The following FBN1 variants were observed in gnomAD, a reference collection of about 807,000 sequenced individuals.
FBN1 encodes fibrillin-1.
FBN1 carries 29 observed loss-of-function variants against 365.1 expected under a neutral mutation model. The ratio of observed to expected loss-of-function variants is 0.08; its 90% CI spans 0.06 to 0.11. The LOEUF (loss-of-function observed/expected upper bound fraction) is 0.11. Among genes scored for constraint, FBN1 ranks in the 10% least tolerant of loss-of-function variants. The pLI, the probability that FBN1 is intolerant of heterozygous loss-of-function variation, is 1.00. For synonymous variants in FBN1, 1,210 were observed against 1,270.5 expected, an observed-to-expected ratio of 0.95 and a Z score of 1.01; for missense variants, 2,476 against 3,703.2, an observed-to-expected ratio of 0.67 and a Z score of 8.60.
chr15:48,507,511 A>G (rs976270274), intron 15 of FBN1, among the ~76,000 whole-genome samples: 1 of 152,220 alleles, frequency 6.6e-6, no homozygotes, highest in Non-Finnish European at 1.5e-5. Flanking sequence ...CACAATATTA[A>G]GAGCCATTGA....
chr15:48,463,350 T>C lies in FBN1; in HGVS notation c.5066-110A>G, dbSNP rs28730792. On this transcript the variant is annotated intron_variant, in intron 41 of 65. Transcript: ENST00000316623. The stretch of plus-strand genomic sequence containing the variant: ...AGCAAGTTTCATTTGAATTGTATTG[T>C]AGCTTGACTTTGATAAGGACACAAA... The C allele has an allele frequency of 5.3e-3, 5,785 of 1,087,334 alleles. 24 individuals are homozygous for C. Among genetic ancestry groups the C allele is most frequent in the Non-Finnish European group, 7.0e-3 (4,964 of 708,904 alleles). The allele number at this position is 1,087,334 out of a possible 1,614,324, so 67.4% of individuals were successfully genotyped here. A position where few individuals can be genotyped will look rare whatever the true frequency, so the allele number is the denominator to read the frequency against.
intron 2 of FBN1, among the ~76,000 whole-genome samples, chr15:48,635,762 C>T (rs2140772296): frequency 6.6e-6 from 1 of 152,322 alleles, no homozygotes; most frequent in Non-Finnish European, 1.5e-5. Context: ...ACAAAACATA[C>T]TGCTTCATTA....
At chr15:48,570,149 A>G (rs1368408900) in intron 6 of FBN1, among the ~76,000 whole-genome samples, 1 of 152,176 alleles carries the variant, frequency 6.6e-6, no homozygotes, top group African/African-American at 2.4e-5. Context: ...TCTTACACTC[A>G]CTGGATAAGT....
At chr15:48,501,231 A>T (rs1283716982) in intron 17 of FBN1, among the ~76,000 whole-genome samples, 2 of 152,192 alleles carry the variant, frequency 1.3e-5, no homozygotes, top group Non-Finnish European at 2.9e-5. Context: ...GAGGCCTAAT[A>T]AGAGGTGATT....
chr15:48,530,292 G>C (rs113474935), intron 8 of FBN1, among the ~76,000 whole-genome samples: 35 of 131,758 alleles, frequency 2.7e-4, no homozygotes, highest in South Asian at 9.8e-4. Context: ...TCCGCCGCCT[G>C]ATCACAACTT....
At chr15:48,628,476 T>C (rs768412997) in intron 2 of FBN1, among the ~76,000 whole-genome samples, 60 of 152,126 alleles carry the variant, frequency 3.9e-4, no homozygotes, top group Non-Finnish European at 7.4e-4. Context: ...TAAAAACACA[T>C]TGAGTGCTTC....
chr15:48,554,823 T>G (rs185415963), intron 6 of FBN1, among the ~76,000 whole-genome samples: 1 of 152,332 alleles, frequency 6.6e-6, no homozygotes, highest in East Asian at 1.9e-4. Flanking sequence ...ATTATTTACT[T>G]TCTGATCCAC....
Position 48,616,651 on chromosome 15 carries a change from C to T in FBN1, c.165-3559G>A, listed in dbSNP as rs191817731. Among the ~76,000 whole-genome samples the T allele has an allele frequency of 5.3e-5, 8 of 152,228 alleles. No homozygotes were observed. In the East Asian group the frequency reaches 7.7e-4, roughly 15 times the overall value. ...TAAATCTTTAATAAAGTTACTCTTT[C>T]GGGTCAATGAAAGTATAGCATCCAT... is the stretch of plus-strand genomic sequence containing the variant. On this transcript the variant is annotated intron_variant, in intron 2 of 65. Transcript: ENST00000316623.
At chr15:48,522,406 A>G (rs2043866608) in intron 9 of FBN1, among the ~76,000 whole-genome samples, 1 of 152,082 alleles carries the variant, frequency 6.6e-6, no homozygotes, top group Non-Finnish European at 1.5e-5. Context: ...TCCTGAAACC[A>G]TCCTCTTCTC....
chr15:48,444,545 A>G lies in FBN1; in HGVS notation c.6033T>C (p.Cys2011=), dbSNP rs769717588. 2.5e-6 allele frequency: 4 copies of G among 1,613,242 alleles called. No homozygotes were observed. Among genetic ancestry groups the G allele is most frequent in the Non-Finnish European group, 8.5e-7 (1 of 1,179,540 alleles). ...TACAACTGATAGCTTTCCTACCTTCACACTTCTCATTTTGAAGACTGTATC... is the reference window on the plus strand; with the variant it reads ...TACAACTGATAGCTTTCCTACCTTCGCACTTCTCATTTTGAAGACTGTATC... ...PPGYSLQNEK[C]EDIDECVEEP... The change falls in exon 49 of 66, where the codon TGT becomes TGC. Residue 2011 remains cysteine (C), a synonymous_variant. Transcript: ENST00000316623.
At position 48,425,847 on chromosome 15, in the gene FBN1, C is replaced by A; in HGVS notation, c.7222G>T (p.Val2408Phe). 6.2e-7 allele frequency: 1 copy of A among 1,610,342 alleles called. No individual in the cohort carries two copies. Among genetic ancestry groups the A allele is most frequent in the Non-Finnish European group, 8.5e-7 (1 of 1,176,834 alleles). Residue 2408 changes from valine to phenylalanine, a missense_variant, in exon 59 of 66, where the codon GTT (valine) becomes TTT (phenylalanine). Physicochemically the swap from Val to Phe is conservative, Grantham distance 50. Transcript: ENST00000316623. ...TNGADIDECK[V>F]IHDVCRNGEC... ...CCATTTCGGCAAACATCGTGAATAA[C>A]CTTGCATTCATCGATATCTGTAATT...
At chr15:48,604,553 TAAAC>T (rs1795575634) in intron 4 of FBN1, among the ~76,000 whole-genome samples, 1 of 151,860 alleles carries the variant, frequency 6.6e-6, no homozygotes. Flanking sequence ...AACAAACAAA[TAAAC>T]AAACAAAATC....
chr15:48,420,713 T>C lies in FBN1; in HGVS notation c.7793A>G (p.Gln2598Arg). 1 of 1,614,166 alleles carries C rather than the reference T, an allele frequency of 6.2e-7. No individual in the cohort carries two copies. The highest frequency in any genetic ancestry group is 8.5e-7 in the Non-Finnish European group (1 of 1,180,006). The change falls in exon 63 of 66, where the codon CAG becomes CGG. Residue 2598 changes from glutamine (Q) to arginine (R), a missense_variant. By Grantham distance (43) the Gln-to-Arg change is conservative. Coordinates refer to ENST00000316623, the MANE Select transcript of FBN1 (RefSeq NM_000138.5). ...AACACACTGGTTCCACTGGTAGTGC[T>C]GGAGGTAGCCCTGGGGGCAGCTGCA... ...YRCSCPQGYL[Q>R]HYQWNQCVDE...
In FBN1 at chr15:48,410,844, T is replaced by C; in HGVS notation, c.*146A>G. 1.2e-6 allele frequency: 1 copy of C among 818,328 alleles called. No individual in the cohort carries two copies. The highest frequency in any genetic ancestry group is 2.7e-5 in the Admixed American group (1 of 37,062). The allele number at this position is 818,328 out of a possible 1,614,324, so 50.7% of individuals were successfully genotyped here. A position where few individuals can be genotyped will look rare whatever the true frequency, so the allele number is the denominator to read the frequency against. On this transcript the variant is annotated 3_prime_UTR_variant, in exon 66 of 66. Transcript: ENST00000316623. ...TAGGGTAGTCACCTGTACCTTGCTT[T>C]GGTAATACAAAGAATAGTGCTTATT...
At chr15:48,431,787 T>C (rs907657260) in intron 55 of FBN1, among the ~76,000 whole-genome samples, 3 of 151,998 alleles carry the variant, frequency 2.0e-5, no homozygotes, top group African/African-American at 7.2e-5. Context: ...CCCAAGTAGG[T>C]GAGATTACAA....
intron 2 of FBN1, among the ~76,000 whole-genome samples, chr15:48,639,206 G>GAAAAA: frequency 6.6e-6 from 1 of 152,282 alleles, no homozygotes; most frequent in East Asian, 1.9e-4. Context: ...TTAACGTTAA[G>GAAAAA]TTTTGTCTTT....
chr15:48,428,400 T>C lies in FBN1; in HGVS notation c.6943A>G (p.Thr2315Ala), dbSNP rs1597518834. The change falls in exon 57 of 66, where the codon ACC (threonine) becomes GCC (alanine). Residue 2315 changes from threonine (T) to alanine (A), a missense_variant. Thr to Ala is a moderately conservative substitution (Grantham distance 58). Transcript: ENST00000316623. ...GRCLNTRGSY[T>A]CECNDGFTAS... ...GTAAACCCATCATTACACTCACAGGTGTAGCTCCCACGGGTGTTGAGGCAG... is the reference window on the plus strand; with the variant it reads ...GTAAACCCATCATTACACTCACAGGCGTAGCTCCCACGGGTGTTGAGGCAG... The C allele has an allele frequency of 1.2e-6, 2 of 1,614,062 alleles. No individual in the cohort carries two copies. The highest frequency in any genetic ancestry group is 1.7e-6 in the Non-Finnish European group (2 of 1,179,974).
At chr15:48,520,870 A>T in intron 9 of FBN1, 53 bp from the exon 10 acceptor site, 1 of 1,611,346 alleles carries the variant, frequency 6.2e-7, no homozygotes, top group Non-Finnish European at 8.5e-7. Flanking sequence ...TAATACTTGT[A>T]ACAACACTCC....
intron 38 of FBN1, among the ~76,000 whole-genome samples, chr15:48,467,433 G>A (rs890390208): frequency 3.9e-5 from 6 of 152,112 alleles, no homozygotes; most frequent in South Asian, 2.1e-4. Flanking sequence ...TTGGAAAAAC[G>A]AAAACCCTTT....
Sources: allele counts gnomAD v4.1 joint callset (sites outside exome capture counted in the v4.1 genomes callset), GRCh38; gene constraint gnomAD v4.1.1; transcripts MANE v1.5; gene names NCBI Gene and HGNC (gene_info 2026-07-23, HGNC 2026-07-21).